USP37: variants seen among roughly 807,000 people sequenced by gnomAD.
USP37 encodes ubiquitin carboxyl-terminal hydrolase 37.
In USP37, 27 loss-of-function variants were observed where a neutral mutation model predicts 124.0. That is an observed-to-expected ratio of 0.22 (90% confidence interval 0.16 to 0.30). The LOEUF (loss-of-function observed/expected upper bound fraction) is 0.30. USP37 is among the 10% of genes least tolerant of loss of function. USP37 has a pLI of 1.00. For missense variants in USP37, 889 were observed against 1,140.4 expected, an observed-to-expected ratio of 0.78 and a Z score of 3.17; for synonymous variants, 365 against 388.0, an observed-to-expected ratio of 0.94 and a Z score of 0.70.
chr2:218,507,719 C>T (rs1574900828), intron 11 of USP37, among the ~76,000 whole-genome samples: 1 of 152,068 alleles, frequency 6.6e-6, no homozygotes, highest in Non-Finnish European at 1.5e-5. Context: ...GAGAGGTTGG[C>T]ACGTCTTGTT....
At chr2:218,476,788 C>T in intron 19 of USP37, 52 bp downstream of exon 19, 33 of 1,538,818 alleles carry the variant, frequency 2.1e-5, no homozygotes, top group Non-Finnish European at 2.2e-5. Flanking sequence ...TTTGTTTGGA[C>T]AGTAAGAGAT....
At chr2:218,528,564 G>A (rs1691110489) in intron 10 of USP37, 1 of 384,314 alleles carries the variant, frequency 2.6e-6, no homozygotes, top group South Asian at 1.4e-4. Flanking sequence ...GAGAATGATG[G>A]TTTTCAGCTT....
intron 4 of USP37, among the ~76,000 whole-genome samples, chr2:218,557,980 A>C (rs1693119507): frequency 6.7e-6 from 1 of 149,136 alleles, no homozygotes; most frequent in African/African-American, 2.5e-5. Context: ...TTTGCAGTGA[A>C]AATGAAGATT....
chr2:218,472,730 T>C (rs997500568), intron 20 of USP37, among the ~76,000 whole-genome samples: 7 of 152,188 alleles, frequency 4.6e-5, no homozygotes, highest in Non-Finnish European at 7.4e-5. Flanking sequence ...CCTCCCAAAG[T>C]GCTGGGATTA....
chr2:218,543,480 C>T (rs560114242), intron 8 of USP37, among the ~76,000 whole-genome samples: 22 of 109,088 alleles, frequency 2.0e-4, no homozygotes, highest in African/African-American at 7.2e-4. Flanking sequence ...CTAGCCTGGG[C>T]GACAGTGCAT....
chr2:218,455,855 C>T (rs1689670925), intron 24 of USP37, 137 bp from the exon 25 acceptor site: 2 of 878,132 alleles, frequency 2.3e-6, no homozygotes, highest in Non-Finnish European at 3.3e-6. Flanking sequence ...AGACCAGCCT[C>T]ACCAACATGG....
At chr2:218,463,175 AACACACACACACACACAC>A (rs3835979) in intron 22 of USP37, 113 bp downstream of exon 22, 8,448 of 528,372 alleles carry the variant, frequency 0.016, 116 homozygotes, top group African/African-American at 0.043. Context: ...CCCCACAATA[AACACACACACACACACAC>A]ACACACACAC....
At chr2:218,527,087 C>G in intron 10 of USP37, among the ~76,000 whole-genome samples, 1 of 152,218 alleles carries the variant, frequency 6.6e-6, no homozygotes. Flanking sequence ...CGCGCCCGGC[C>G]TGCTTTTATC....
intron 8 of USP37, among the ~76,000 whole-genome samples, chr2:218,537,315 G>A (rs549774222): frequency 6.6e-6 from 1 of 152,316 alleles, no homozygotes; most frequent in East Asian, 1.9e-4. Flanking sequence ...GTGCCCTGCA[G>A]GTTTCCACTC....
At chr2:218,462,842 C>G (rs995801670) in intron 22 of USP37, among the ~76,000 whole-genome samples, 1 of 151,978 alleles carries the variant, frequency 6.6e-6, no homozygotes, top group Non-Finnish European at 1.5e-5. Flanking sequence ...ATAAAGGTTA[C>G]TTCTAAGGTT....
chr2:218,557,366 C>T (rs1474040832), intron 4 of USP37, among the ~76,000 whole-genome samples: 1 of 152,038 alleles, frequency 6.6e-6, no homozygotes, highest in East Asian at 1.9e-4. Context: ...AAAAATGAGC[C>T]TGTATTTGCA....
At chr2:218,495,696 GAAGAATTTT>G in intron 14 of USP37, 55 bp downstream of exon 14, 1 of 1,498,898 alleles carries the variant, frequency 6.7e-7, no homozygotes, top group Non-Finnish European at 9.0e-7. Flanking sequence ...GTATGTCATA[GAAGAATTTT>G]AATCACTTGC....
At position 218,486,105 on chromosome 2, in the gene USP37, G is replaced by C. The variant is rs1215353788; in HGVS notation, c.1591-362C>G. 9.6e-5 allele frequency: 17 copies of C among 177,122 alleles called. No homozygotes were observed. In the Admixed American group the frequency reaches 9.9e-4, roughly 10 times the overall value. The allele number at this position is 177,122 out of a possible 1,614,324, so 11.0% of individuals were successfully genotyped here. Reference sequence around the variant, plus strand: ...GATTTTACCATATGGCCATAGCAGAGATAAGATCACCTTTAGGTTAGGTAG... The same window carrying C: ...GATTTTACCATATGGCCATAGCAGACATAAGATCACCTTTAGGTTAGGTAG... On this transcript the variant is annotated intron_variant, in intron 15 of 25. Transcript: ENST00000258399.
At chr2:218,489,637 G>A (rs1327524850) in intron 14 of USP37, among the ~76,000 whole-genome samples, 7 of 151,534 alleles carry the variant, frequency 4.6e-5, no homozygotes, top group East Asian at 2.0e-4. Context: ...ACACCACCAC[G>A]CCTGGCTAAT....
intron 21 of USP37, 66 bp from the exon 22 acceptor site, chr2:218,463,432 T>C: frequency 3.5e-6 from 5 of 1,424,250 alleles, no homozygotes; most frequent in Non-Finnish European, 4.9e-6. Context: ...TTAATGAGGA[T>C]AAAATCAGTT....
chr2:218,477,275 T>C (rs931371958), intron 18 of USP37, among the ~76,000 whole-genome samples: 1 of 152,248 alleles, frequency 6.6e-6, no homozygotes, highest in South Asian at 2.1e-4. Flanking sequence ...TTATAAATTA[T>C]GCTATTGAAT....
chr2:218,536,716 A>T (rs1259978139), intron 8 of USP37, among the ~76,000 whole-genome samples: 1 of 152,148 alleles, frequency 6.6e-6, no homozygotes, highest in Non-Finnish European at 1.5e-5. Flanking sequence ...CATGCACACT[A>T]ATCTCCATTT....
chr2:218,535,121 T>G (rs1434189951), intron 8 of USP37, among the ~76,000 whole-genome samples: 1 of 151,922 alleles, frequency 6.6e-6, no homozygotes, highest in Non-Finnish European at 1.5e-5. Flanking sequence ...ATCCCAGCAC[T>G]TTGGGAGGCT....
rs1450974156 is a variant in USP37 at position 218,489,083 on chromosome 2, T to C, written c.1473-662A>G. Among the ~76,000 whole-genome samples the C allele has an allele frequency of 2.0e-5, 3 of 151,094 alleles. No individual in the cohort carries two copies. The East Asian group carries it at 5.9e-4, about 30-fold the overall frequency. On this transcript the variant is annotated intron_variant, in intron 14 of 25. Transcript: ENST00000258399. ...ACTCAAATCAAGAAACAGGGCCAGG[T>C]GTGGTGGCTGGTGCCTGTAATCCCA...
Sources: allele counts gnomAD v4.1 joint callset (sites outside exome capture counted in the v4.1 genomes callset), GRCh38; gene constraint gnomAD v4.1.1; transcripts MANE v1.5; gene names NCBI Gene and HGNC (gene_info 2026-07-23, HGNC 2026-07-21).